Variants in SLC2A14 observed in about 807,000 individuals in gnomAD.
The protein encoded by SLC2A14 is solute carrier family 2, facilitated glucose transporter member 14.
Under a neutral mutation model 43.0 loss-of-function variants are expected in SLC2A14, and 13 were observed. The ratio of observed to expected loss-of-function variants is 0.30; its 90% confidence interval spans 0.20 to 0.48. The LOEUF (loss-of-function observed/expected upper bound fraction) is 0.48, where lower values mean the gene tolerates loss of function less well. Ranked by LOEUF, SLC2A14 falls within the 20% of genes least tolerant of loss-of-function variation. The pLI, the probability that SLC2A14 is intolerant of heterozygous loss-of-function variation, is 0.99. For synonymous variants in SLC2A14, 190 were observed against 233.8 expected (o/e 0.81, Z 1.71); for missense variants, 428 against 620.4 (o/e 0.69, Z 3.29).
At chr12:7,839,126 A>C (rs772612150) in intron 2 of SLC2A14, among the ~76,000 whole-genome samples, 1 of 147,700 alleles carries the variant, frequency 6.8e-6, no homozygotes, top group South Asian at 2.3e-4. Context: ...TGGCAGCCTT[A>C]GCAGACAATA....
At chr12:7,826,653 G>A (rs1374732013) in intron 7 of SLC2A14, among the ~76,000 whole-genome samples, 1 of 151,940 alleles carries the variant, frequency 6.6e-6, no homozygotes, top group African/African-American at 2.4e-5. Flanking sequence ...CTCAATAGCA[G>A]GAAGCTGATA....
upstream of SLC2A14, among the ~76,000 whole-genome samples, chr12:7,875,180 A>ATATTTAATT (rs1466324875): frequency 2.2e-5 from 3 of 137,180 alleles, no homozygotes; most frequent in Admixed American, 1.6e-4. Context: ...AATTATATAT[A>ATATTTAATT]ATATATAAAT....
chr12:7,872,513 T>C (rs1945290030), intron 1 of SLC2A14: 1 of 152,846 alleles, frequency 6.5e-6, no homozygotes, highest in Non-Finnish European at 1.5e-5. Flanking sequence ...TACATTTTCT[T>C]GTCTGTCTCT....
intron 1 of SLC2A14, among the ~76,000 whole-genome samples, chr12:7,881,438 G>C (rs1438438821): frequency 6.6e-6 from 1 of 152,020 alleles, no homozygotes; most frequent in African/African-American, 2.4e-5. Flanking sequence ...CAGCGGCTGC[G>C]GAGGGTGTGC....
Position 7,829,918 on chromosome 12 carries a change from G to C in SLC2A14, c.361C>G (p.Leu121Val). 6.2e-7 allele frequency: 1 copy of C among 1,614,194 alleles called. No individual in the cohort carries two copies. Among genetic ancestry groups the C allele is most frequent in the Non-Finnish European group, 8.5e-7 (1 of 1,180,032 alleles). The change falls in exon 5 of 11, where the codon CTG (leucine) becomes GTG (valine). Residue 121 changes from leucine (L) to valine (V), a missense_variant. By Grantham distance (32) the Leu-to-Val change is conservative (BLOSUM62 1). Around this residue, in one of 4 missense-constraint regions of SLC2A14, gnomAD observed 185 missense variants for 275.4 expected, o/e 0.67. Transcript: ENST00000431042. The part of the protein sequence containing the change: ...LCKIAESVEM[L>V]ILGRLVIGLF... The stretch of plus-strand genomic sequence containing the variant: ...CCAATAACCAAGCGGCCCAGGATCA[G>C]CATTTCAACTGACTCAGCTATTTTA...
chr12:7,812,627 T>C lies in SLC2A14; in HGVS notation c.*1689A>G, dbSNP rs1225114078. The C allele has an allele frequency of 3.3e-5, 5 of 152,200 alleles. No individual in the cohort carries two copies. Among genetic ancestry groups the C allele is most frequent in the African/African-American group, 7.2e-5 (3 of 41,458 alleles). 9.4% of individuals were successfully genotyped at this position (152,200 alleles called of 1,614,324 possible). A position where few individuals can be genotyped will look rare whatever the true frequency, so the allele number is the denominator to read the frequency against. ...GTGAGAAATAGGAAAACAACTTCCC[T>C]GCCTTACTGCCAAACTGAGGAGCCA... On this transcript the variant is annotated 3_prime_UTR_variant, in exon 11 of 11. Transcript: ENST00000431042.
chr12:7,862,264 C>CAAAAA lies in SLC2A14; in HGVS notation c.18+7594_18+7598dup, dbSNP rs71038792. ...GGGCTACAGAGCCAGACTTGTCTCT[C>CAAAAA]AAAAAAAAAAAAAAAAAAAAAAAAG... On this transcript the variant is annotated intron_variant, in intron 2 of 10. Transcript: ENST00000431042. 7.7e-4 allele frequency among the ~76,000 whole-genome samples: 45 copies of CAAAAA among 58,806 alleles called. 1 individual carries two copies. Among genetic ancestry groups the CAAAAA allele is most frequent in the African/African-American group, 9.4e-4 (13 of 13,782 alleles). 38.6% of individuals were successfully genotyped at this position (58,806 alleles called of 152,430 possible).
intron 1 of SLC2A14, 66 bp downstream of exon 1, chr12:7,872,741 C>T (rs1945306814): frequency 2.0e-6 from 2 of 982,892 alleles, no homozygotes; most frequent in African/African-American, 1.7e-5. Flanking sequence ...AGCTCGGCCA[C>T]CTCTACCCCA....
chr12:7,887,069 G>A (rs1289523463), intron 1 of SLC2A14, among the ~76,000 whole-genome samples: 2 of 151,666 alleles, frequency 1.3e-5, no homozygotes, highest in East Asian at 1.9e-4. Flanking sequence ...CCACCACCAC[G>A]CCCGGCTAAT....
intron 1 of SLC2A14, among the ~76,000 whole-genome samples, chr12:7,887,258 T>A (rs1357860331): frequency 1.3e-5 from 2 of 151,982 alleles, no homozygotes. Context: ...AGAAGAGTAG[T>A]TCTTAAACAA....
intron 10 of SLC2A14, among the ~76,000 whole-genome samples, chr12:7,816,092 T>TA (rs1863427118): frequency 1.9e-5 from 1 of 52,602 alleles, no homozygotes; most frequent in African/African-American, 1.0e-4. Context: ...ATTTTTTATT[T>TA]TTTTTATTTT....
intron 3 of SLC2A14, 63 bp from the exon 4 acceptor site, chr12:7,831,827 T>A: frequency 6.3e-7 from 1 of 1,594,072 alleles, no homozygotes. Context: ...GATACAAATA[T>A]GCTGGGTGCA....
Position 7,817,819 on chromosome 12 carries a change from G to A in SLC2A14, c.1275+12C>T. ...AGATACATAGATACATAGATAAGGT[G>A]AGTTTACTTACAGCAGCAGAGGGGA... On this transcript the variant is annotated intron_variant, in intron 10 of 10. Coordinates refer to ENST00000431042, the MANE Select transcript of SLC2A14 (RefSeq NM_001286234.2). 6.2e-7 allele frequency: 1 copy of A among 1,603,670 alleles called. No individual in the cohort carries two copies. Among genetic ancestry groups the A allele is most frequent in the Non-Finnish European group, 8.5e-7 (1 of 1,174,244 alleles).
intron 7 of SLC2A14, among the ~76,000 whole-genome samples, chr12:7,826,858 CTTTTTT>C (rs759295569): frequency 0.012 from 531 of 43,124 alleles, 48 homozygotes; most frequent in African/African-American, 0.018. Context: ...TCCTTCCTTT[CTTTTTT>C]CTTTCTTTCT....
At chr12:7,822,297 A>G (rs779099540) in intron 7 of SLC2A14, among the ~76,000 whole-genome samples, 2 of 151,894 alleles carry the variant, frequency 1.3e-5, no homozygotes, top group East Asian at 3.9e-4. Flanking sequence ...TTTAGCTACT[A>G]ATGTCCATTG....
At chr12:7,815,920 G>A (rs1378315169) in intron 10 of SLC2A14, among the ~76,000 whole-genome samples, 1 of 146,776 alleles carries the variant, frequency 6.8e-6, no homozygotes, top group African/African-American at 2.6e-5. Context: ...TTGTTTTTGA[G>A]ATGGAGTTTT....
chr12:7,849,093 A>G (rs755663704), intron 2 of SLC2A14, among the ~76,000 whole-genome samples: 81 of 151,508 alleles, frequency 5.3e-4, no homozygotes, highest in African/African-American at 1.8e-3. Context: ...ACCTCAGGGT[A>G]GTCAGCCCAC....
chr12:7,856,406 G>A (rs1022926380), intron 2 of SLC2A14: 1 of 152,144 alleles, frequency 6.6e-6, no homozygotes, highest in African/African-American at 2.4e-5. Context: ...ATCCGCAGTG[G>A]GATGGCGCCT....
intron 1 of SLC2A14, chr12:7,870,925 C>G (rs1260687822): frequency 7.1e-7 from 1 of 1,417,554 alleles, no homozygotes; most frequent in Non-Finnish European, 9.5e-7. Flanking sequence ...CCAATGTCTT[C>G]GTGATGTTCG....
Sources: gnomAD v4.1 joint callset for allele counts (sites outside exome capture counted in the v4.1 genomes callset) on GRCh38, gnomAD v4.1.1 for gene constraint, gnomAD v4.1.1 regional missense constraint, MANE v1.5 for transcripts, NCBI Gene and HGNC (gene_info 2026-07-23, HGNC 2026-07-21) for gene names.